The following RGS17 variants were observed in gnomAD, a reference collection of about 807,000 sequenced individuals.
The protein encoded by RGS17 is regulator of G protein signaling 17.
In RGS17, 12 loss-of-function variants were observed where a neutral mutation model predicts 25.5. That is an observed-to-expected ratio of 0.47 (90% CI 0.30 to 0.76). RGS17 has a LOEUF of 0.76. Among genes scored for constraint, RGS17 ranks in the 30% least tolerant of loss-of-function variants. The pLI is 0.07. For synonymous variants in RGS17, 71 were observed against 76.9 expected (o/e 0.92, Z 0.40); for missense variants, 196 against 242.2 (o/e 0.81, Z 1.27).
chr6:153,013,256 C>T (rs946988933), intron 4 of RGS17, among the ~76,000 whole-genome samples: 5 of 152,138 alleles, frequency 3.3e-5, no homozygotes, highest in African/African-American at 1.2e-4. Flanking sequence ...GATCTGTGAT[C>T]AGTGACCTTC....
chr6:153,026,895 T>A (rs1426707456), intron 2 of RGS17, among the ~76,000 whole-genome samples: 1 of 152,164 alleles, frequency 6.6e-6, no homozygotes, highest in Non-Finnish European at 1.5e-5. Flanking sequence ...TATGATTACC[T>A]TACTCTTTAA....
At chr6:153,024,173 A>G (rs1779274609) in intron 4 of RGS17, 89 bp downstream of exon 4, 2 of 796,522 alleles carry the variant, frequency 2.5e-6, no homozygotes, top group Non-Finnish European at 4.1e-6. Flanking sequence ...CCCTCTCCAC[A>G]CCCCATGCCC....
rs563565600 is a variant in RGS17, at chr6:153,100,359, A to T, written c.-26+30765T>A. Among the ~76,000 whole-genome samples the T allele has an allele frequency of 2.0e-5, 3 of 152,294 alleles. No homozygotes were observed. The South Asian group carries it at 6.2e-4, about 32-fold the overall frequency. On this transcript the variant is annotated intron_variant, in intron 1 of 4. Coordinates refer to ENST00000206262, the MANE Select transcript of RGS17 (RefSeq NM_012419.5). Reference sequence around the variant, plus strand: ...TTATTTCTCCCAGATACTTGTTTATATCCTGACATAATTCTCCGTATCAAC... The same window carrying T: ...TTATTTCTCCCAGATACTTGTTTATTTCCTGACATAATTCTCCGTATCAAC...
rs1779107763 is a variant in RGS17 at position 153,009,304 on chromosome 6, A to G, written c.*2270T>C. On this transcript the variant is annotated 3_prime_UTR_variant, in exon 5 of 5. Coordinates refer to ENST00000206262, the MANE Select transcript of RGS17 (RefSeq NM_012419.5). ...TGCAGTGTATCACAGTATATTACAT[A>G]TTTTCTAGTCATGTGCACCAATTTG... is the stretch of plus-strand genomic sequence containing the variant. The G allele has an allele frequency of 6.6e-6, 1 of 152,098 alleles. No homozygotes were observed. Among genetic ancestry groups the G allele is most frequent in the South Asian group, 2.1e-4 (1 of 4,836 alleles). 9.4% of individuals were successfully genotyped at this position (152,098 alleles called of 1,614,324 possible).
intron 1 of RGS17, among the ~76,000 whole-genome samples, chr6:153,099,010 T>TC (rs1777257315): frequency 6.6e-6 from 1 of 151,928 alleles, no homozygotes; most frequent in Non-Finnish European, 1.5e-5. Context: ...GTATCTCTTG[T>TC]CCCCCCGTCC....
intron 2 of RGS17, among the ~76,000 whole-genome samples, chr6:153,034,881 G>A (rs149885686): frequency 9.0e-4 from 137 of 152,298 alleles, no homozygotes; most frequent in African/African-American, 3.0e-3. Context: ...TGCGAGCGGC[G>A]GCTGATGCCT....
At chr6:153,090,850 A>ACTAT (rs1777120422) in intron 1 of RGS17, among the ~76,000 whole-genome samples, 1 of 116,564 alleles carries the variant, frequency 8.6e-6, no homozygotes, top group Non-Finnish European at 1.8e-5. Context: ...AAAAAAACAT[A>ACTAT]GTATATATAT....
intron 1 of RGS17, among the ~76,000 whole-genome samples, chr6:153,080,063 C>T (rs1453002925): frequency 6.6e-6 from 1 of 152,082 alleles, no homozygotes; most frequent in Non-Finnish European, 1.5e-5. Context: ...CTCACTGCAA[C>T]CTCCGCCTTC....
At chr6:153,076,831 T>C (rs563702797) in intron 1 of RGS17, among the ~76,000 whole-genome samples, 124 of 152,282 alleles carry the variant, frequency 8.1e-4, no homozygotes, top group Non-Finnish European at 1.5e-3. Flanking sequence ...TGCGAGCTAA[T>C]GATAGAATGA....
At chr6:153,034,822 T>C (rs996464690) in intron 2 of RGS17, among the ~76,000 whole-genome samples, 1 of 152,170 alleles carries the variant, frequency 6.6e-6, no homozygotes, top group African/African-American at 2.4e-5. Flanking sequence ...TACGATGGAA[T>C]TGGCAGTTAA....
At chr6:153,084,540 A>G (rs1351470139) in intron 1 of RGS17, among the ~76,000 whole-genome samples, 1 of 152,198 alleles carries the variant, frequency 6.6e-6, no homozygotes, top group Non-Finnish European at 1.5e-5. Context: ...TCATTCTAAA[A>G]GGTTGTGAAA....
chr6:153,110,421 A>AAAATACAC (rs1554244924), intron 1 of RGS17, among the ~76,000 whole-genome samples: 2 of 68,778 alleles, frequency 2.9e-5, no homozygotes, highest in African/African-American at 5.6e-5. Flanking sequence ...CTTTACTGCC[A>AAAATACAC]ACATACACAC....
Position 153,036,500 on chromosome 6 carries a change from G to A in RGS17, c.119+7400C>T, listed in dbSNP as rs1478091234. 7.2e-5 allele frequency among the ~76,000 whole-genome samples: 11 copies of A among 152,100 alleles called. No individual in the cohort carries two copies. The East Asian group carries it at 2.1e-3, about 29-fold the overall frequency. The stretch of plus-strand genomic sequence containing the variant: ...GCTTTTCACCCTGGAATACTCACCA[G>A]GGCGAATCATTCTCATCTCTTGCAA... On this transcript the variant is annotated intron_variant, in intron 2 of 4. Coordinates refer to ENST00000206262, the MANE Select transcript of RGS17 (RefSeq NM_012419.5).
intron 2 of RGS17, among the ~76,000 whole-genome samples, chr6:153,029,934 G>A (rs1485557327): frequency 6.6e-6 from 1 of 152,130 alleles, no homozygotes; most frequent in East Asian, 1.9e-4. Flanking sequence ...TTTTATGTAT[G>A]TAACATTTAA....
Position 153,130,426 on chromosome 6 carries a change from A to G in RGS17, c.-26+698T>C, listed in dbSNP as rs1777769491. ...ACACGCCAGGACTCCCTTTCCTTTG[A>G]CTAAGGGGAGGGGAAGGAACAAAAG... On this transcript the variant is annotated intron_variant, in intron 1 of 4. Coordinates refer to ENST00000206262, the MANE Select transcript of RGS17 (RefSeq NM_012419.5). The surrounding 1 kb of genome is among the most constrained non-coding windows in gnomAD (Gnocchi z 6.4). 6.6e-6 allele frequency among the ~76,000 whole-genome samples: 1 copy of G among 151,536 alleles called. No individual in the cohort carries two copies. The highest frequency in any genetic ancestry group is 2.4e-5 in the African/African-American group (1 of 41,212).
At chr6:153,066,975 G>A (rs1776718511) in intron 1 of RGS17, among the ~76,000 whole-genome samples, 1 of 152,116 alleles carries the variant, frequency 6.6e-6, no homozygotes, top group Admixed American at 6.5e-5. Context: ...GGGAGGCGGA[G>A]CTTGCAATGA....
chr6:153,092,405 C>G (rs1489166881), intron 1 of RGS17, among the ~76,000 whole-genome samples: 1 of 152,102 alleles, frequency 6.6e-6, no homozygotes, highest in Non-Finnish European at 1.5e-5. Flanking sequence ...AGTTTCTTAC[C>G]AATATGTTTC....
chr6:153,085,105 T>C (rs995491407), intron 1 of RGS17, among the ~76,000 whole-genome samples: 2 of 152,194 alleles, frequency 1.3e-5, no homozygotes, highest in Admixed American at 6.6e-5. Context: ...AAGGTATATA[T>C]ACAAATGGCA....
intron 2 of RGS17, among the ~76,000 whole-genome samples, chr6:153,028,244 G>A (rs595797): frequency 0.36 from 54,686 of 151,942 alleles, 10,105 homozygotes; most frequent in African/African-American, 0.44. Context: ...AACCATGGAG[G>A]GAAAGGTAAT....
Sources: gnomAD v4.1 joint callset for allele counts (sites outside exome capture counted in the v4.1 genomes callset) on GRCh38, gnomAD v4.1.1 for gene constraint, Gnocchi (gnomAD v3.1) non-coding constraint, MANE v1.5 for transcripts, NCBI Gene and HGNC (gene_info 2026-07-23, HGNC 2026-07-21) for gene names.